The following DENND5A variants were observed in gnomAD, a reference collection of about 807,000 sequenced individuals.
The protein encoded by DENND5A is DENN domain containing 5A.
In DENND5A, 64 loss-of-function variants were observed where a neutral mutation model predicts 140.3. The ratio of observed to expected loss-of-function variants is 0.46; its 90% CI spans 0.37 to 0.56. The LOEUF (loss-of-function observed/expected upper bound fraction) is 0.56, where lower values mean the gene tolerates loss of function less well. Ranked by LOEUF, DENND5A falls within the 20% of genes least tolerant of loss-of-function variation. DENND5A has a pLI of 0.00. For synonymous variants in DENND5A, 605 were observed against 607.7 expected (o/e 1.00, Z 0.07); for missense variants, 1,292 against 1,593.8 (o/e 0.81, Z 3.22).
intron 1 of DENND5A, among the ~76,000 whole-genome samples, chr11:9,259,129 A>G (rs1419570381): frequency 6.6e-6 from 1 of 151,926 alleles, no homozygotes; most frequent in East Asian, 1.9e-4. Flanking sequence ...GCATGGTGGC[A>G]CATGCCTGTA....
chr11:9,174,326 T>C (rs987671897), intron 8 of DENND5A, among the ~76,000 whole-genome samples: 2 of 151,450 alleles, frequency 1.3e-5, no homozygotes, highest in Non-Finnish European at 2.9e-5. Context: ...TGGATAAAAA[T>C]GCAAAACCCA....
intron 11 of DENND5A, among the ~76,000 whole-genome samples, chr11:9,162,307 C>T (rs981881169): frequency 1.4e-5 from 2 of 141,050 alleles, no homozygotes; most frequent in South Asian, 4.6e-4. Flanking sequence ...GGCACAATCT[C>T]GGCTCACTGC....
At chr11:9,217,676 T>A (rs1015198601) in intron 1 of DENND5A, among the ~76,000 whole-genome samples, 3 of 152,196 alleles carry the variant, frequency 2.0e-5, no homozygotes, top group East Asian at 3.8e-4. Context: ...ATGGTAACGA[T>A]TGCACAACTC....
intron 1 of DENND5A, among the ~76,000 whole-genome samples, chr11:9,223,148 G>A (rs1325823663): frequency 6.6e-6 from 1 of 152,128 alleles, no homozygotes; most frequent in African/African-American, 2.4e-5. Context: ...CCAGCACTTT[G>A]GGAGCTGAGA....
Position 9,265,278 on chromosome 11 carries a change from G to T in DENND5A, c.-209C>A. 3.9e-6 allele frequency: 1 copy of T among 259,542 alleles called. No individual in the cohort carries two copies. Among genetic ancestry groups the T allele is most frequent in the South Asian group, 1.5e-4 (1 of 6,474 alleles). The allele number at this position is 259,542 out of a possible 1,614,324, so 16.1% of individuals were successfully genotyped here. A position where few individuals can be genotyped will look rare whatever the true frequency, so the allele number is the denominator to read the frequency against. On this transcript the variant is annotated 5_prime_UTR_variant, in exon 1 of 23. Transcript: ENST00000328194. This position sits in a 1 kb window ranked among gnomAD's most constrained non-coding sequence, Gnocchi z 4.7. ...ACCGGGCCGCCCCGCACCGCATCCT[G>T]GATGCCTTCCCCTCCGCGCCGCCGC...
intron 5 of DENND5A, among the ~76,000 whole-genome samples, chr11:9,189,832 G>A (rs552556320): frequency 3.0e-4 from 46 of 152,226 alleles, no homozygotes; most frequent in African/African-American, 8.2e-4. Context: ...TAGAGATGGC[G>A]TATCTCCACG....
At chr11:9,220,584 TG>T (rs1302409433) in intron 1 of DENND5A, among the ~76,000 whole-genome samples, 2 of 149,848 alleles carry the variant, frequency 1.3e-5, no homozygotes, top group African/African-American at 4.9e-5. Flanking sequence ...TAATTCAACA[TG>T]GAAAAAAATA....
At chr11:9,222,942 T>G (rs1476703514) in intron 1 of DENND5A, among the ~76,000 whole-genome samples, 2 of 152,248 alleles carry the variant, frequency 1.3e-5, no homozygotes, top group Non-Finnish European at 2.9e-5. Context: ...TATTAACTGC[T>G]AAATCACTAT....
At chr11:9,152,327 G>A in intron 13 of DENND5A, 31 bp downstream of exon 13, 5 of 1,470,106 alleles carry the variant, frequency 3.4e-6, no homozygotes, top group South Asian at 2.3e-5. Flanking sequence ...GTGGAGAGAG[G>A]GCAGACTCTC....
At position 9,167,522 on chromosome 11, in the gene DENND5A, T is replaced by C. The variant is rs1473944047; in HGVS notation, c.2152-1555A>G. On this transcript the variant is annotated intron_variant, in intron 10 of 22. Transcript: ENST00000328194. ...AAGAAAAACAGCCAGGAGCAGTGAC[T>C]CTGGCCTGTAATCCCAGCACTGAGG... is the stretch of plus-strand genomic sequence containing the variant. Among the ~76,000 whole-genome samples, 7 of 149,396 alleles carry C rather than the reference T, an allele frequency of 4.7e-5. No homozygotes were observed. In the Admixed American group the frequency reaches 4.7e-4, roughly 10 times the overall value.
At chr11:9,163,544 C>CCTG (rs1848063861) in intron 11 of DENND5A, among the ~76,000 whole-genome samples, 1 of 152,084 alleles carries the variant, frequency 6.6e-6, no homozygotes. Flanking sequence ...GTGCCTCAAA[C>CCTG]CTGTAATCCC....
At chr11:9,197,560 T>C (rs963646849) in intron 4 of DENND5A, among the ~76,000 whole-genome samples, 2 of 151,516 alleles carry the variant, frequency 1.3e-5, no homozygotes, top group Non-Finnish European at 2.9e-5. Flanking sequence ...CCAGGTGTGG[T>C]TGCACGTACC....
Position 9,265,349 on chromosome 11 carries a change from A to AG in DENND5A, c.-281dup, listed in dbSNP as rs2136316522. On this transcript the variant is annotated 5_prime_UTR_variant, in exon 1 of 23. Coordinates refer to ENST00000328194, the MANE Select transcript of DENND5A (RefSeq NM_015213.4). This position sits in a 1 kb window ranked among gnomAD's most constrained non-coding sequence, Gnocchi z 4.7. ...GCCGCGGCCCGAGCGAGCCTGGAGA[A>AG]GGGCGGAGAGCGCGTGGACAGCCCC... The AG allele has an allele frequency of 1.1e-5, 2 of 182,418 alleles. No homozygotes were observed. Among genetic ancestry groups the AG allele is most frequent in the East Asian group, 2.4e-4 (2 of 8,358 alleles). 11.3% of individuals were successfully genotyped at this position (182,418 alleles called of 1,614,324 possible). A position where few individuals can be genotyped will look rare whatever the true frequency, so the allele number is the denominator to read the frequency against.
In DENND5A at chr11:9,215,368, T is replaced by C. The variant is rs189008791; in HGVS notation, c.110-7736A>G. Among the ~76,000 whole-genome samples the C allele has an allele frequency of 5.8e-4, 89 of 152,284 alleles. 1 individual carries two copies. Among genetic ancestry groups the C allele is most frequent in the Admixed American group, 5.8e-3 (89 of 15,306 alleles). On this transcript the variant is annotated intron_variant, in intron 1 of 22. Coordinates refer to ENST00000328194, the MANE Select transcript of DENND5A (RefSeq NM_015213.4). ...AGTCAGGACTGTTCCAAACTGCATC[T>C]AGGACAAACTGAAAGCACTTTTGTT...
chr11:9,243,021 G>A (rs1851301971), intron 1 of DENND5A, among the ~76,000 whole-genome samples: 1 of 139,630 alleles, frequency 7.2e-6, no homozygotes, highest in Admixed American at 8.1e-5. Context: ...CCAGGAGGCA[G>A]AAGTTGCAGT....
intron 1 of DENND5A, among the ~76,000 whole-genome samples, chr11:9,222,974 C>T (rs1432351194): frequency 6.6e-6 from 1 of 152,234 alleles, no homozygotes; most frequent in African/African-American, 2.4e-5. Flanking sequence ...ATCATCCCTG[C>T]ATCTATCATT....
chr11:9,180,302 T>C (rs1342319224), intron 6 of DENND5A, among the ~76,000 whole-genome samples: 2 of 151,100 alleles, frequency 1.3e-5, no homozygotes, highest in South Asian at 2.1e-4. Context: ...AAAAAAATAA[T>C]AATAATTGGG....
chr11:9,186,445 A>G (rs898011112), intron 5 of DENND5A, among the ~76,000 whole-genome samples: 20 of 152,346 alleles, frequency 1.3e-4, no homozygotes, highest in African/African-American at 4.8e-4. Context: ...AAGGCACACA[A>G]TGCAATCATT....
chr11:9,187,664 G>C (rs1848964043), intron 5 of DENND5A, among the ~76,000 whole-genome samples: 1 of 152,106 alleles, frequency 6.6e-6, no homozygotes, highest in South Asian at 2.1e-4. Context: ...AGAAAAAAAT[G>C]GTACCCCTTT....
Sources: allele counts gnomAD v4.1 joint callset (sites outside exome capture counted in the v4.1 genomes callset), GRCh38; gene constraint gnomAD v4.1.1; non-coding constraint Gnocchi (gnomAD v3.1); transcripts MANE v1.5; gene names NCBI Gene and HGNC (gene_info 2026-07-23, HGNC 2026-07-21).